Variants in ACYP2 observed in about 807,000 individuals in gnomAD.
The protein encoded by ACYP2 is acylphosphatase 2.
Under a neutral mutation model 11.2 loss-of-function variants are expected in ACYP2, and 12 were observed. The observed-to-expected ratio is 1.08, with a 90% CI of 0.69 to 1.74. The LOEUF is 1.74. Ranked by LOEUF, ACYP2 falls within the 40% of genes most tolerant of loss-of-function variation. The probability of loss-of-function intolerance (pLI) is 0.00; values close to 1 mark genes in which losing one functional copy is unlikely to be tolerated. For synonymous variants in ACYP2, 43 were observed against 32.2 expected, an observed-to-expected ratio of 1.33 and a Z score of -1.13; for missense variants, 134 against 101.9, an observed-to-expected ratio of 1.31 and a Z score of -1.35.
intron 6 of ACYP2, among the ~76,000 whole-genome samples, chr2:54,260,488 G>A (rs941535522): frequency 6.6e-6 from 1 of 152,134 alleles, no homozygotes; most frequent in East Asian, 1.9e-4. Flanking sequence ...GTTGGATTTA[G>A]ACCTGAAACA....
intron 6 of ACYP2, among the ~76,000 whole-genome samples, chr2:54,252,059 G>T (rs1415574937): frequency 7.2e-5 from 11 of 152,172 alleles, no homozygotes; most frequent in African/African-American, 2.7e-4. Context: ...AGCTTGCAAG[G>T]AGCGTAAATC....
intron 6 of ACYP2, among the ~76,000 whole-genome samples, chr2:54,188,920 G>A (rs77350094): frequency 0.012 from 1,852 of 152,162 alleles, 43 homozygotes; most frequent in African/African-American, 0.043. Flanking sequence ...CCCTCCGCTC[G>A]TACTCTGGAT....
intron 6 of ACYP2, among the ~76,000 whole-genome samples, chr2:54,270,751 C>T (rs972716968): frequency 1.3e-5 from 2 of 152,026 alleles, no homozygotes; most frequent in African/African-American, 2.4e-5. Context: ...AGTGTAATAA[C>T]TTATACTTTA....
intron 6 of ACYP2, among the ~76,000 whole-genome samples, chr2:54,217,520 C>G (rs1172924413): frequency 1.3e-5 from 2 of 151,588 alleles, no homozygotes; most frequent in Non-Finnish European, 2.9e-5. Flanking sequence ...GTGCACACCA[C>G]TGTCCCTGGC....
chr2:53,976,891 C>CT (rs1671522028), intron 2 of ACYP2, among the ~76,000 whole-genome samples: 1 of 152,082 alleles, frequency 6.6e-6, no homozygotes. Flanking sequence ...ATGTGGGCTT[C>CT]TTTTTGTTTA....
chr2:54,080,092 C>T, intron 4 of ACYP2: 1 of 209,420 alleles, frequency 4.8e-6, no homozygotes. Context: ...TGGCACAACT[C>T]ACACCATAAT....
intron 6 of ACYP2, among the ~76,000 whole-genome samples, chr2:54,294,479 G>A (rs545779960): frequency 2.0e-5 from 3 of 152,008 alleles, no homozygotes; most frequent in Admixed American, 6.6e-5. Flanking sequence ...TCGGTGGGAT[G>A]GTATCTGCAG....
chr2:54,186,994 C>T (rs75344299), intron 6 of ACYP2, among the ~76,000 whole-genome samples: 1 of 151,850 alleles, frequency 6.6e-6, no homozygotes. Flanking sequence ...GCACATTGTC[C>T]AGCTTTAAGT....
rs893087210 is a variant in ACYP2 at position 54,213,854 on chromosome 2, A to G, written c.404+75106A>G. ...ATGAACGCTGCTCACTATAGCCTCA[A>G]CCTCCCGGGCCCAAGCGATCCTCCT... is the stretch of plus-strand genomic sequence containing the variant. On this transcript the variant is annotated intron_variant, in intron 6 of 6. Transcript: ENST00000607452. Among the ~76,000 whole-genome samples, 5 of 151,750 alleles carry G rather than the reference A, an allele frequency of 3.3e-5. 1 individual carries two copies. The highest frequency in any genetic ancestry group is 1.2e-4 in the African/African-American group (5 of 41,278).
chr2:54,054,154 C>T (rs928589701), intron 3 of ACYP2, among the ~76,000 whole-genome samples: 1 of 152,150 alleles, frequency 6.6e-6, no homozygotes, highest in Non-Finnish European at 1.5e-5. Flanking sequence ...TAACCCAGAG[C>T]TGGTAAGGGT....
chr2:54,196,706 A>C (rs985462014), intron 6 of ACYP2, among the ~76,000 whole-genome samples: 22 of 152,014 alleles, frequency 1.4e-4, no homozygotes, highest in African/African-American at 5.1e-4. Flanking sequence ...CTCTAGTTGC[A>C]ACTAGCAACC....
intron 6 of ACYP2, among the ~76,000 whole-genome samples, chr2:54,155,329 T>C (rs1682380579): frequency 6.6e-6 from 1 of 152,196 alleles, no homozygotes; most frequent in African/African-American, 2.4e-5. Flanking sequence ...TTTTTTTCCT[T>C]CTGCTACATT....
intron 1 of ACYP2, among the ~76,000 whole-genome samples, chr2:53,973,426 A>G (rs2104503252): frequency 6.6e-6 from 1 of 152,326 alleles, no homozygotes; most frequent in South Asian, 2.1e-4. Flanking sequence ...CTGAAGATCC[A>G]CAAAAAAAGT....
chr2:53,990,791 T>G (rs28446902), intron 2 of ACYP2, among the ~76,000 whole-genome samples: 1,674 of 152,198 alleles, frequency 0.011, 27 homozygotes, highest in African/African-American at 0.038. Flanking sequence ...TTGCGTTTTT[T>G]TTTTGTTTTG....
rs930697487 is a variant in ACYP2 at position 54,106,311 on chromosome 2, G to A, written c.278-29142G>A. On this transcript the variant is annotated intron_variant, in intron 4 of 6. Coordinates refer to ENST00000607452, the MANE Select transcript of ACYP2 (RefSeq NM_001320586.2). ...CAGGCTGGCCTCAAGTGATCCTCCC[G>A]CCTTGGTCTCCCAAAGCACAGAGAT... is the stretch of plus-strand genomic sequence containing the variant. 1.2e-4 allele frequency among the ~76,000 whole-genome samples: 18 copies of A among 147,376 alleles called. 1 individual carries two copies. The highest frequency in any genetic ancestry group is 1.9e-4 in the Non-Finnish European group (13 of 66,956).
At chr2:54,077,839 C>G (rs758735481) in intron 4 of ACYP2, among the ~76,000 whole-genome samples, 1 of 152,222 alleles carries the variant, frequency 6.6e-6, no homozygotes, top group Non-Finnish European at 1.5e-5. Context: ...GCCTAGTGCT[C>G]ATTCCATTGA....
chr2:54,294,709 G>C (rs1389890248), intron 6 of ACYP2, among the ~76,000 whole-genome samples: 4 of 151,778 alleles, frequency 2.6e-5, no homozygotes, highest in Non-Finnish European at 2.9e-5. Flanking sequence ...CCAGGAGTTT[G>C]AGACCAGCCT....
intron 2 of ACYP2, among the ~76,000 whole-genome samples, chr2:53,977,980 G>C (rs1259311636): frequency 6.6e-6 from 1 of 151,768 alleles, no homozygotes; most frequent in African/African-American, 2.4e-5. Context: ...ATAAACTTCT[G>C]GCTGGGCATG....
intron 4 of ACYP2, among the ~76,000 whole-genome samples, chr2:54,094,356 T>C (rs1381332069): frequency 6.6e-6 from 1 of 151,666 alleles, no homozygotes; most frequent in East Asian, 1.9e-4. Flanking sequence ...GCCTACCAAA[T>C]AGCTTGGATT....
Sources: gnomAD v4.1 joint callset for allele counts (sites outside exome capture counted in the v4.1 genomes callset) on GRCh38, gnomAD v4.1.1 for gene constraint, MANE v1.5 for transcripts, NCBI Gene and HGNC (gene_info 2026-07-23, HGNC 2026-07-21) for gene names.